CALN1: variants seen among roughly 807,000 people sequenced by gnomAD.
CALN1 encodes the protein calneuron 1.
Under a neutral mutation model 30.6 loss-of-function variants are expected in CALN1, and 17 were observed. That is an observed-to-expected ratio of 0.56 (90% CI 0.38 to 0.83). The LOEUF (loss-of-function observed/expected upper bound fraction) is 0.83. Among genes scored for constraint, CALN1 ranks in the 40% least tolerant of loss-of-function variants. The pLI is 0.00. For missense variants in CALN1, 291 were observed against 354.9 expected, an observed-to-expected ratio of 0.82 and a Z score of 1.45; for synonymous variants, 156 against 131.4, an observed-to-expected ratio of 1.19 and a Z score of -1.28.
chr7:72,245,304 T>A (rs1795086998), intron 3 of CALN1, among the ~76,000 whole-genome samples: 1 of 152,122 alleles, frequency 6.6e-6, no homozygotes, highest in Admixed American at 6.5e-5. Context: ...TGCAGTACTG[T>A]GATGTGACTC....
intron 6 of CALN1, among the ~76,000 whole-genome samples, chr7:71,802,501 T>C (rs1401133559): frequency 6.6e-6 from 1 of 152,208 alleles, no homozygotes; most frequent in Non-Finnish European, 1.5e-5. Context: ...CTTGCTCTGT[T>C]GCCCAGGCTG....
intron 2 of CALN1, among the ~76,000 whole-genome samples, chr7:72,370,367 C>T (rs1198066036): frequency 6.6e-6 from 1 of 152,186 alleles, no homozygotes; most frequent in Non-Finnish European, 1.5e-5. Flanking sequence ...AAAAGCTCTT[C>T]ATATGCTTTA....
At chr7:72,032,332 C>T (rs1801509961) in intron 4 of CALN1, among the ~76,000 whole-genome samples, 1 of 152,138 alleles carries the variant, frequency 6.6e-6, no homozygotes, top group African/African-American at 2.4e-5. Context: ...AGGCATGAGC[C>T]ACCGCGCCCA....
chr7:72,124,944 ATTT>A (rs372923522), intron 3 of CALN1, among the ~76,000 whole-genome samples: 3 of 151,312 alleles, frequency 2.0e-5, no homozygotes, highest in Non-Finnish European at 4.4e-5. Flanking sequence ...ACAACTCATT[ATTT>A]TTTTTTAACT....
At chr7:72,349,014 T>C (rs1251760377) in intron 2 of CALN1, among the ~76,000 whole-genome samples, 2 of 152,106 alleles carry the variant, frequency 1.3e-5, no homozygotes, top group African/African-American at 4.8e-5. Context: ...AAGGAAGGCA[T>C]GCAAACTAAA....
At chr7:71,940,088 T>C (rs1382877972) in intron 5 of CALN1, among the ~76,000 whole-genome samples, 1 of 144,464 alleles carries the variant, frequency 6.9e-6, no homozygotes, top group Non-Finnish European at 1.5e-5. Context: ...GGTATATCCC[T>C]TCAAGGGTCT....
At chr7:72,135,854 T>G (rs1387319550) in intron 3 of CALN1, among the ~76,000 whole-genome samples, 1 of 152,128 alleles carries the variant, frequency 6.6e-6, no homozygotes, top group Non-Finnish European at 1.5e-5. Context: ...TGTTTTAGGC[T>G]GGGTGCAGTG....
intron 2 of CALN1, among the ~76,000 whole-genome samples, chr7:72,314,338 CAT>C (rs923185895): frequency 9.1e-5 from 13 of 142,916 alleles, no homozygotes; most frequent in African/African-American, 3.4e-4. Flanking sequence ...ACTATGTTAA[CAT>C]ATATATATAC....
At chr7:72,037,186 T>C (rs1205432751) in intron 4 of CALN1, among the ~76,000 whole-genome samples, 2 of 152,030 alleles carry the variant, frequency 1.3e-5, no homozygotes, top group South Asian at 2.1e-4. Context: ...AGTCTCGCAC[T>C]GTCACCCAGG....
chr7:72,119,531 A>C (rs948987701), intron 3 of CALN1, among the ~76,000 whole-genome samples: 2 of 151,748 alleles, frequency 1.3e-5, no homozygotes, highest in Admixed American at 6.6e-5. Flanking sequence ...AAAAAAAACC[A>C]GAGCTAACCC....
chr7:71,960,196 A>T (rs866287638), intron 5 of CALN1, among the ~76,000 whole-genome samples: 237 of 151,230 alleles, frequency 1.6e-3, no homozygotes, highest in African/African-American at 5.2e-3. Flanking sequence ...ATAAAATAAA[A>T]AAATAAAATA....
At chr7:72,080,418 G>A (rs962692197) in intron 4 of CALN1, among the ~76,000 whole-genome samples, 6 of 152,186 alleles carry the variant, frequency 3.9e-5, no homozygotes, top group South Asian at 2.1e-4. Flanking sequence ...GAACAGACCC[G>A]GACCTGGCAG....
At chr7:72,047,291 G>T (rs1452572620) in intron 4 of CALN1, among the ~76,000 whole-genome samples, 1 of 152,144 alleles carries the variant, frequency 6.6e-6, no homozygotes, top group African/African-American at 2.4e-5. Context: ...AAGATGAAAA[G>T]ACAAGAGGCT....
intron 3 of CALN1, among the ~76,000 whole-genome samples, chr7:72,150,572 G>A (rs1787154054): frequency 6.6e-6 from 1 of 152,226 alleles, no homozygotes; most frequent in Non-Finnish European, 1.5e-5. Context: ...GTGGAATGGA[G>A]TGGCAGAGCT....
Position 71,866,254 on chromosome 7 carries a change from G to A in CALN1, c.502-55762C>T, listed in dbSNP as rs182630194. Among the ~76,000 whole-genome samples, 1,015 of 152,102 alleles carry A rather than the reference G, an allele frequency of 6.7e-3. 3 individuals are homozygous for A. Among genetic ancestry groups the A allele is most frequent in the Middle Eastern group, 0.021 (6 of 292 alleles). ...GATCTCCTGACCTCGTGATCCACCCGCCTCAGCCTCCCGAAGTGCTGGGAT... is the reference window on the plus strand; with the variant it reads ...GATCTCCTGACCTCGTGATCCACCCACCTCAGCCTCCCGAAGTGCTGGGAT... On this transcript the variant is annotated intron_variant, in intron 5 of 6. Coordinates refer to ENST00000395275, the MANE Select transcript of CALN1 (RefSeq NM_031468.4).
intron 1 of CALN1, among the ~76,000 whole-genome samples, chr7:72,432,332 C>T (rs766385510): frequency 3.9e-5 from 6 of 152,184 alleles, no homozygotes; most frequent in Admixed American, 2.0e-4. Flanking sequence ...GTCCATTAAA[C>T]CTCTTTTTCT....
At chr7:72,415,383 C>T (rs1431515888), upstream of CALN1, among the ~76,000 whole-genome samples, 5 of 152,324 alleles carry the variant, frequency 3.3e-5, no homozygotes, top group East Asian at 1.9e-4. Flanking sequence ...GCAAAGACCA[C>T]GAGGAAGTGG....
chr7:72,315,258 A>G (rs1329170414), intron 2 of CALN1, among the ~76,000 whole-genome samples: 1 of 150,322 alleles, frequency 6.7e-6, no homozygotes, highest in Non-Finnish European at 1.5e-5. Context: ...AAAGGCTACT[A>G]TTCTTTCCAC....
chr7:72,368,971 C>A (rs1481612049), intron 2 of CALN1, among the ~76,000 whole-genome samples: 1 of 151,774 alleles, frequency 6.6e-6, no homozygotes, highest in Non-Finnish European at 1.5e-5. Context: ...CCCGCCACCA[C>A]GCCCAGCTAA....
Sources: gnomAD v4.1 joint callset for allele counts (sites outside exome capture counted in the v4.1 genomes callset) on GRCh38, gnomAD v4.1.1 for gene constraint, MANE v1.5 for transcripts, NCBI Gene and HGNC (gene_info 2026-07-23, HGNC 2026-07-21) for gene names.